ALPK2: variants seen among roughly 807,000 people sequenced by gnomAD.
ALPK2 encodes the protein alpha kinase 2, also known as alpha-protein kinase 2.
ALPK2 carries 127 observed loss-of-function variants against 163.1 expected under a neutral mutation model. The ratio of observed to expected loss-of-function variants is 0.78; its 90% CI spans 0.67 to 0.90. The LOEUF (loss-of-function observed/expected upper bound fraction) is 0.90. Among genes scored for constraint, ALPK2 ranks in the 40% least tolerant of loss-of-function variants. The probability of loss-of-function intolerance (pLI) is 0.00; values close to 1 mark genes in which losing one functional copy is unlikely to be tolerated. For synonymous variants in ALPK2, 953 were observed against 959.1 expected (o/e 0.99, Z 0.12); for missense variants, 2,360 against 2,589.6 (o/e 0.91, Z 1.92).
intron 6 of ALPK2, among the ~76,000 whole-genome samples, chr18:58,527,271 A>G (rs779464088): frequency 6.6e-6 from 1 of 152,264 alleles, no homozygotes; most frequent in East Asian, 1.9e-4. Flanking sequence ...GAGAGAAATT[A>G]GCAAACATTT....
chr18:58,592,842 C>G (rs995380077), intron 3 of ALPK2, among the ~76,000 whole-genome samples: 1 of 152,200 alleles, frequency 6.6e-6, no homozygotes, highest in Non-Finnish European at 1.5e-5. Context: ...CACTTGACAG[C>G]TCTGGACAAT....
intron 4 of ALPK2, 153 bp from the exon 5 acceptor site, chr18:58,538,377 T>C: frequency 1.4e-6 from 1 of 722,872 alleles, no homozygotes; most frequent in South Asian, 2.5e-5. Flanking sequence ...TCCCTCTAGC[T>C]ATTAGAGATT....
intron 3 of ALPK2, among the ~76,000 whole-genome samples, chr18:58,599,577 G>C (rs950214894): frequency 1.3e-5 from 2 of 152,142 alleles, no homozygotes; most frequent in Non-Finnish European, 2.9e-5. Context: ...ATGATTTCTT[G>C]AACAATCACG....
intron 4 of ALPK2, among the ~76,000 whole-genome samples, chr18:58,572,240 G>T (rs2051889617): frequency 6.6e-6 from 1 of 152,102 alleles, no homozygotes; most frequent in Admixed American, 6.6e-5. Flanking sequence ...CAAAAATAAT[G>T]ACAATACCAA....
rs1465135953 is a variant in ALPK2, at chr18:58,536,260, A to C, written c.3927T>G (p.Asp1309Glu). The change falls in exon 5 of 13, where the codon GAT (aspartate) becomes GAG (glutamate). Residue 1309 changes from aspartate (D) to glutamate (E), a missense_variant. Physicochemically the swap from Asp to Glu is conservative, Grantham distance 45 (BLOSUM62 2). Transcript: ENST00000361673. ...SPEDAESALA[D>E]SRESHKGEEP... is the part of the protein sequence containing the mutation. The stretch of plus-strand genomic sequence containing the variant: ...CTTCGCCTTTATGGCTTTCTCTGCT[A>C]TCAGCAAGGGCTGACTCAGCATCCT... The C allele has an allele frequency of 2.5e-6, 4 of 1,614,180 alleles. No individual in the cohort carries two copies. Among genetic ancestry groups the C allele is most frequent in the Non-Finnish European group, 3.4e-6 (4 of 1,180,020 alleles).
chr18:58,551,849 G>C (rs532884602), intron 4 of ALPK2, among the ~76,000 whole-genome samples: 2 of 152,338 alleles, frequency 1.3e-5, no homozygotes, highest in African/African-American at 4.8e-5. Flanking sequence ...AGACCCTGCA[G>C]TCAGCACCAG....
At position 58,498,050 on chromosome 18, in the gene ALPK2, C is replaced by T; in HGVS notation, c.6295G>A (p.Gly2099Arg). Residue 2099 changes from glycine to arginine, a missense_variant and splice_region_variant, in exon 12 of 13, where the codon GGG (glycine) becomes AGG (arginine). Physicochemically the swap from Gly to Arg is moderately radical, Grantham distance 125. Coordinates refer to ENST00000361673, the MANE Select transcript of ALPK2 (RefSeq NM_052947.4). ...CACACTCCATTTTTTCCTACTCACC[C>T]TTTAGCCAGCGTTGCTATGCCAACG... ...TDVGIATLAKGYKGFKGNCSM... is the reference protein window; with the variant it reads ...TDVGIATLAKRYKGFKGNCSM... The T allele has an allele frequency of 6.2e-7, 1 of 1,614,092 alleles. No individual in the cohort carries two copies. The highest frequency in any genetic ancestry group is 2.2e-5 in the East Asian group (1 of 44,888).
intron 2 of ALPK2, 62 bp from the exon 3 acceptor site, chr18:58,607,501 A>AC: frequency 2.8e-6 from 3 of 1,086,466 alleles, no homozygotes; most frequent in East Asian, 2.5e-5. Context: ...AAAAAAAAAA[A>AC]CCCATAAAGC....
At chr18:58,522,461 A>G (rs1434714509) in intron 8 of ALPK2, among the ~76,000 whole-genome samples, 1 of 152,240 alleles carries the variant, frequency 6.6e-6, no homozygotes, top group Non-Finnish European at 1.5e-5. Flanking sequence ...AGATTCCACC[A>G]AACTGTGGAA....
intron 12 of ALPK2, among the ~76,000 whole-genome samples, chr18:58,490,169 T>C (rs922811754): frequency 1.3e-5 from 2 of 152,248 alleles, no homozygotes; most frequent in East Asian, 1.9e-4. Context: ...CATAATTACT[T>C]TGAAAAGCAC....
intron 4 of ALPK2, among the ~76,000 whole-genome samples, chr18:58,576,517 G>A (rs1251015337): frequency 6.6e-6 from 1 of 152,212 alleles, no homozygotes. Flanking sequence ...TTGTTATGGA[G>A]AGAGTCACCT....
At position 58,509,333 on chromosome 18, in the gene ALPK2, G is replaced by T. The variant is rs899489937; in HGVS notation, c.6030-5185C>A. Among the ~76,000 whole-genome samples the T allele has an allele frequency of 5.3e-3, 801 of 152,108 alleles. 1 individual carries two copies. The highest frequency in any genetic ancestry group is 5.2e-3 in the African/African-American group (217 of 41,468). On this transcript the variant is annotated intron_variant, in intron 10 of 12. Transcript: ENST00000361673. ...AGTCTTTGCTATTGTGAATAGTGCC[G>T]CAATAAACATCCGTGTGCATGTGTC...
Position 58,537,067 on chromosome 18 carries a change from GA to G in ALPK2, c.3119del (p.Phe1040SerfsTer22). 1 of 1,614,178 alleles carries G rather than the reference GA, an allele frequency of 6.2e-7. No homozygotes were observed. The highest frequency in any genetic ancestry group is 1.1e-5 in the South Asian group (1 of 91,080). ...AAACCTTTTCATGGGATGCACGAGG[GA>G]ACCTCTCCTCAGTGCCACCTGCATG... ...DKHAGGTEER[F>X]PRASHEKVSQ... On this transcript the variant is annotated frameshift_variant, in exon 5 of 13. Coordinates refer to ENST00000361673, the MANE Select transcript of ALPK2 (RefSeq NM_052947.4). LOFTEE classifies it high-confidence loss of function.
chr18:58,498,973 T>C (rs891686201), intron 11 of ALPK2, among the ~76,000 whole-genome samples: 29 of 152,222 alleles, frequency 1.9e-4, no homozygotes, highest in African/African-American at 6.3e-4. Flanking sequence ...TTCAGACATA[T>C]GATTTCTCAT....
intron 3 of ALPK2, among the ~76,000 whole-genome samples, chr18:58,587,417 C>T (rs183611999): frequency 2.0e-5 from 3 of 152,134 alleles, no homozygotes; most frequent in Admixed American, 2.0e-4. Flanking sequence ...AAAAAGCAAT[C>T]AATAGAAACT....
At chr18:58,569,858 C>CG (rs1362354381) in intron 4 of ALPK2, among the ~76,000 whole-genome samples, 5 of 152,134 alleles carry the variant, frequency 3.3e-5, no homozygotes, top group Non-Finnish European at 7.4e-5. Context: ...TGGCTGGGCG[C>CG]GGTGGCTCAT....
chr18:58,537,846 G>T lies in ALPK2; in HGVS notation c.2341C>A (p.Pro781Thr). The change falls in exon 5 of 13, where the codon CCC becomes ACC. Residue 781 changes from proline to threonine, a missense_variant. Pro to Thr is a conservative substitution (Grantham distance 38). Coordinates refer to ENST00000361673, the MANE Select transcript of ALPK2 (RefSeq NM_052947.4). ...PVAVSVASPE[P>T]TDTALTLENV... ...TCCAGGGTGAGGGCAGTATCTGTGG[G>T]TTCAGGGGAAGCAACAGAGACAGCC... The T allele has an allele frequency of 1.2e-6, 2 of 1,614,126 alleles. No individual in the cohort carries two copies. The highest frequency in any genetic ancestry group is 1.7e-6 in the Non-Finnish European group (2 of 1,180,010).
chr18:58,598,580 C>T (rs2052052684), intron 3 of ALPK2, among the ~76,000 whole-genome samples: 2 of 152,174 alleles, frequency 1.3e-5, no homozygotes, highest in African/African-American at 2.4e-5. Flanking sequence ...GAGACTTACG[C>T]TGCCAAACTG....
chr18:58,536,077 G>T lies in ALPK2; in HGVS notation c.4110C>A (p.Asn1370Lys), dbSNP rs192122124. Reference protein sequence around the residue: ...ASETGGKENVNNVSQDQEEKQ... With the variant: ...ASETGGKENVKNVSQDQEEKQ... ...TTTCCTCCTGGTCTTGACTCACATTGTTAACATTTTCCTTCCCTCCAGTTT... is the reference window on the plus strand; with the variant it reads ...TTTCCTCCTGGTCTTGACTCACATTTTTAACATTTTCCTTCCCTCCAGTTT... Residue 1370 changes from asparagine (N) to lysine (K), a missense_variant, in exon 5 of 13, where the codon AAC (asparagine) becomes AAA (lysine). By Grantham distance (94) the Asn-to-Lys change is moderately conservative. Transcript: ENST00000361673. The T allele has an allele frequency of 6.2e-7, 1 of 1,614,138 alleles. No homozygotes were observed. Among genetic ancestry groups the T allele is most frequent in the South Asian group, 1.1e-5 (1 of 91,084 alleles).
Sources: allele counts gnomAD v4.1 joint callset (sites outside exome capture counted in the v4.1 genomes callset), GRCh38; gene constraint gnomAD v4.1.1; transcripts MANE v1.5; gene names NCBI Gene and HGNC (gene_info 2026-07-23, HGNC 2026-07-21).